The following CARS1 variants were observed in gnomAD, a reference collection of about 807,000 sequenced individuals.
The protein encoded by CARS1 is cysteinyl-tRNA synthetase 1.
CARS1 carries 48 observed loss-of-function variants against 106.2 expected under a neutral mutation model. The observed-to-expected ratio is 0.45, with a 90% CI of 0.36 to 0.57. The LOEUF (loss-of-function observed/expected upper bound fraction) is 0.57, where lower values mean the gene tolerates loss of function less well. Ranked by LOEUF, CARS1 falls within the 20% of genes least tolerant of loss-of-function variation. The pLI is 0.00. For synonymous variants in CARS1, 409 were observed against 403.4 expected, an observed-to-expected ratio of 1.01 and a Z score of -0.17; for missense variants, 968 against 1,057.2, an observed-to-expected ratio of 0.92 and a Z score of 1.17.
intron 1 of CARS1, among the ~76,000 whole-genome samples, chr11:3,056,761 C>G (rs925630585): frequency 6.6e-6 from 1 of 152,184 alleles, no homozygotes; most frequent in Non-Finnish European, 1.5e-5. Context: ...TGTCTCCCCC[C>G]TAAAGGCCAG....
chr11:3,011,499 A>C (rs2134114436), intron 18 of CARS1, among the ~76,000 whole-genome samples: 1 of 152,118 alleles, frequency 6.6e-6, no homozygotes, highest in East Asian at 1.9e-4. Context: ...CTGTAGTCCC[A>C]GCTACTCAGG....
chr11:3,046,200 C>G lies in CARS1; in HGVS notation c.274+1553G>C, dbSNP rs994041606. Among the ~76,000 whole-genome samples the G allele has an allele frequency of 8.5e-5, 13 of 152,156 alleles. No homozygotes were observed. The highest frequency in any genetic ancestry group is 8.5e-4 in the Admixed American group (13 of 15,282). The stretch of plus-strand genomic sequence containing the variant: ...TAAAAAGTGTTTGCAAGAGCAAAAC[C>G]CTTCCTTCCTCTCACAGTGTGGATG... On this transcript the variant is annotated intron_variant, in intron 2 of 22. Transcript: ENST00000380525. The surrounding 1 kb of genome is among the most constrained non-coding windows in gnomAD (Gnocchi z 5.8).
intron 18 of CARS1, chr11:3,007,913 G>C (rs1006459416): frequency 6.6e-6 from 1 of 152,260 alleles, no homozygotes; most frequent in African/African-American, 2.4e-5. Context: ...GAAGTTTTGG[G>C]TGTTACAGGG....
chr11:3,039,054 C>T lies in CARS1; in HGVS notation c.651+140G>A, dbSNP rs1236757781. 8.5e-6 allele frequency: 5 copies of T among 586,670 alleles called. No individual in the cohort carries two copies. The Admixed American group carries it at 1.6e-4, about 19-fold the overall frequency. The allele number at this position is 586,670 out of a possible 1,614,324, so 36.3% of individuals were successfully genotyped here. A position where few individuals can be genotyped will look rare whatever the true frequency, so the allele number is the denominator to read the frequency against. On this transcript the variant is annotated intron_variant, in intron 6 of 22. Transcript: ENST00000380525. This position sits in a 1 kb window ranked among gnomAD's most constrained non-coding sequence, Gnocchi z 5.6. ...GACCTTACCTATGGAGACTTCAGCG[C>T]CCCTGACGGAACTGGCTTGAGTAAC... is the stretch of plus-strand genomic sequence containing the variant.
chr11:3,002,128 C>A, intron 21 of CARS1, 75 bp from the exon 22 acceptor site: 1 of 980,182 alleles, frequency 1.0e-6, no homozygotes, highest in Non-Finnish European at 1.6e-6. Flanking sequence ...GACATCTGCT[C>A]ATACCTCCAG....
intron 10 of CARS1, among the ~76,000 whole-genome samples, chr11:3,023,371 T>C (rs887030582): frequency 2.0e-5 from 3 of 152,228 alleles, no homozygotes; most frequent in Non-Finnish European, 4.4e-5. Flanking sequence ...CATTTTTGTC[T>C]TGTTATTCAA....
At chr11:3,055,093 G>A (rs1856066986) in intron 1 of CARS1, 1 of 622,188 alleles carries the variant, frequency 1.6e-6, no homozygotes, top group African/African-American at 1.8e-5. Context: ...GTCAACTTAG[G>A]GAAGATGGTA....
At chr11:3,006,501 G>T (rs1451552542) in intron 19 of CARS1, among the ~76,000 whole-genome samples, 1 of 152,236 alleles carries the variant, frequency 6.6e-6, no homozygotes, top group Non-Finnish European at 1.5e-5. Flanking sequence ...ACTTTCTGTG[G>T]AACAAAAAGA....
chr11:3,033,303 A>G (rs1004791513), intron 7 of CARS1, among the ~76,000 whole-genome samples: 2 of 152,208 alleles, frequency 1.3e-5, no homozygotes, highest in African/African-American at 4.8e-5. Flanking sequence ...AACATTCAGA[A>G]ACCAGCACAC....
Position 3,019,166 on chromosome 11 carries a change from G to T in CARS1, c.1368C>A (p.His456Gln). The T allele has an allele frequency of 6.6e-7, 1 of 1,524,388 alleles. No homozygotes were observed. The highest frequency in any genetic ancestry group is 8.8e-7 in the Non-Finnish European group (1 of 1,139,764). 94.4% of individuals were successfully genotyped at this position (1,524,388 alleles called of 1,614,324 possible). A position where few individuals can be genotyped will look rare whatever the true frequency, so the allele number is the denominator to read the frequency against. Residue 456 changes from histidine to glutamine, a missense_variant, in exon 12 of 23, where the codon CAC becomes CAA. Transcript: ENST00000380525. The surrounding 1 kb of genome is among the most constrained non-coding windows in gnomAD (Gnocchi z 6.2). ...HGGGFDLRFP[H>Q]HDNELAQSEA... is the part of the protein sequence containing the mutation. ...CCGACTGTGCCAGCTCATTGTCATG[G>T]TGGGGGAACCGGAGGTCGAACCCAC...
At chr11:3,012,062 CCTGTGGTGCA>C in intron 18 of CARS1, 123 bp downstream of exon 18, 1 of 797,372 alleles carries the variant, frequency 1.3e-6, no homozygotes, top group Non-Finnish European at 2.1e-6. Flanking sequence ...CGTTCAACAC[CCTGTGGTGCA>C]CGGGGCAGCC....
rs553408355 is a variant in CARS1 at position 3,043,520 on chromosome 11, T to C, written c.275-1264A>G. ...AAGGGCTTCACATGTCTCTGCTGAG[T>C]GGCACCAGGAAGGCCTACGAGATGG... On this transcript the variant is annotated intron_variant, in intron 2 of 22. Coordinates refer to ENST00000380525, the MANE Select transcript of CARS1 (RefSeq NM_001014437.3). The surrounding 1 kb of genome is among the most constrained non-coding windows in gnomAD (Gnocchi z 4.0). 1.3e-5 allele frequency among the ~76,000 whole-genome samples: 2 copies of C among 150,440 alleles called. No homozygotes were observed. The highest frequency in any genetic ancestry group is 4.3e-4 in the South Asian group (2 of 4,702).
Position 3,012,222 on chromosome 11 carries a change from C to A in CARS1, c.2041G>T (p.Val681Leu). 6.2e-7 allele frequency: 1 copy of A among 1,614,246 alleles called. No homozygotes were observed. Among genetic ancestry groups the A allele is most frequent in the Non-Finnish European group, 8.5e-7 (1 of 1,180,036 alleles). The change falls in exon 18 of 23, where the codon GTG (valine) becomes TTG (leucine). Residue 681 changes from valine to leucine, a missense_variant. Transcript: ENST00000380525. ...TTTTGCTCTCGGGCAATCTTCCGCA[C>A]TCCTTCTCGGAATTCTGATAACACC... is the stretch of plus-strand genomic sequence containing the variant. The part of the protein sequence containing the change: ...LQVLSEFREG[V>L]RKIAREQKVP...
rs750241910 is a variant in CARS1 at position 3,022,948 on chromosome 11, G to A, written c.1154-2616C>T. On this transcript the variant is annotated intron_variant, in intron 10 of 22. Transcript: ENST00000380525. The surrounding 1 kb of genome is among the most constrained non-coding windows in gnomAD (Gnocchi z 4.9). ...ACTCCCCATGGTGGGGGGAGGTTGC[G>A]GGGGTGGTCATGTGCCCACGTCTGA... Among the ~76,000 whole-genome samples, 4 of 152,194 alleles carry A rather than the reference G, an allele frequency of 2.6e-5. No individual in the cohort carries two copies. The highest frequency in any genetic ancestry group is 6.5e-5 in the Admixed American group (1 of 15,284).
rs983136276 is a variant in CARS1 at position 3,037,936 on chromosome 11, CAG to C, written c.801+112_801+113del. 3.0e-5 allele frequency: 33 copies of C among 1,101,654 alleles called. No homozygotes were observed. In the Admixed American group the frequency reaches 7.3e-4, roughly 24 times the overall value. The allele number at this position is 1,101,654 out of a possible 1,614,324, so 68.2% of individuals were successfully genotyped here. A position where few individuals can be genotyped will look rare whatever the true frequency, so the allele number is the denominator to read the frequency against. On this transcript the variant is annotated intron_variant, in intron 7 of 22. Transcript: ENST00000380525. This position sits in a 1 kb window ranked among gnomAD's most constrained non-coding sequence, Gnocchi z 5.9. ...TGCCACAGTGGAGCTACTGGAGACA[CAG>C]AGTGTCTTCCACTAAGACAATCTGT...
In CARS1 at chr11:3,022,270, G is replaced by C. The variant is rs1047684149; in HGVS notation, c.1154-1938C>G. Among the ~76,000 whole-genome samples the C allele has an allele frequency of 2.0e-5, 3 of 152,178 alleles. No individual in the cohort carries two copies. Among genetic ancestry groups the C allele is most frequent in the African/African-American group, 7.2e-5 (3 of 41,420 alleles). Reference sequence around the variant, plus strand: ...GGTATTTTTTGGATCCTGAATTCCAGCAGGACAGCTGTTGCCAACTGGTCT... The same window carrying C: ...GGTATTTTTTGGATCCTGAATTCCACCAGGACAGCTGTTGCCAACTGGTCT... On this transcript the variant is annotated intron_variant, in intron 10 of 22. Transcript: ENST00000380525. This position sits in a 1 kb window ranked among gnomAD's most constrained non-coding sequence, Gnocchi z 4.9.
rs7121792 is a variant in CARS1, at chr11:3,041,983, C to T, written c.366+182G>A. 0.018 allele frequency among the ~76,000 whole-genome samples: 2,744 copies of T among 152,296 alleles called. 23 individuals are homozygous for T. Among genetic ancestry groups the T allele is most frequent in the Middle Eastern group, 0.041 (12 of 294 alleles). On this transcript the variant is annotated intron_variant, in intron 3 of 22. Coordinates refer to ENST00000380525, the MANE Select transcript of CARS1 (RefSeq NM_001014437.3). The surrounding 1 kb of genome is among the most constrained non-coding windows in gnomAD (Gnocchi z 4.9). ...CGTGTCTGGGTTTCAGAGGACAGCT[C>T]TGCCTCTGGGCCACAGAGACTATAA... is the stretch of plus-strand genomic sequence containing the variant.
At chr11:3,032,625 C>T (rs1371606948) in intron 7 of CARS1, among the ~76,000 whole-genome samples, 1 of 151,926 alleles carries the variant, frequency 6.6e-6, no homozygotes, top group Non-Finnish European at 1.5e-5. Flanking sequence ...GTGAAGTATT[C>T]TGTTTAAAAA....
rs951067141 is a variant in CARS1, at chr11:3,046,489, C to T, written c.274+1264G>A. Among the ~76,000 whole-genome samples the T allele has an allele frequency of 2.6e-5, 4 of 152,316 alleles. No individual in the cohort carries two copies. The highest frequency in any genetic ancestry group is 9.6e-5 in the African/African-American group (4 of 41,574). Reference sequence around the variant, plus strand: ...TACATGGGGAAGGACGTGACCTGCACAGCAACGGCCTCTGCCCTACGCTGG... The same window carrying T: ...TACATGGGGAAGGACGTGACCTGCATAGCAACGGCCTCTGCCCTACGCTGG... On this transcript the variant is annotated intron_variant, in intron 2 of 22. Coordinates refer to ENST00000380525, the MANE Select transcript of CARS1 (RefSeq NM_001014437.3). This position sits in a 1 kb window ranked among gnomAD's most constrained non-coding sequence, Gnocchi z 5.8.
Sources: allele counts gnomAD v4.1 joint callset (sites outside exome capture counted in the v4.1 genomes callset), GRCh38; gene constraint gnomAD v4.1.1; non-coding constraint Gnocchi (gnomAD v3.1); transcripts MANE v1.5; gene names NCBI Gene and HGNC (gene_info 2026-07-23, HGNC 2026-07-21).